The following NSG2 variants were observed in gnomAD, a reference collection of about 807,000 sequenced individuals.
NSG2 encodes neuronal vesicle trafficking-associated protein 2.
In NSG2, 4 loss-of-function variants were observed where a neutral mutation model predicts 16.9. The ratio of observed to expected loss-of-function variants is 0.24; its 90% CI spans 0.12 to 0.54. The LOEUF is 0.54. Among genes scored for constraint, NSG2 ranks in the 20% least tolerant of loss-of-function variants. The pLI is 0.95. For missense variants in NSG2, 179 were observed against 221.1 expected, an observed-to-expected ratio of 0.81 and a Z score of 1.21; for synonymous variants, 98 against 88.7, an observed-to-expected ratio of 1.11 and a Z score of -0.59.
intron 3 of NSG2, among the ~76,000 whole-genome samples, chr5:174,087,702 C>T (rs778773763): frequency 2.6e-5 from 4 of 151,748 alleles, no homozygotes; most frequent in Non-Finnish European, 4.4e-5. Flanking sequence ...GTGGGAGGAT[C>T]GCTTGTGCCT....
intron 2 of NSG2, among the ~76,000 whole-genome samples, chr5:174,063,517 C>T (rs62395634): frequency 0.05 from 7,332 of 146,570 alleles, 227 homozygotes; most frequent in Middle Eastern, 0.069. Flanking sequence ...TTCATCATAA[C>T]TTTCTATTTT....
intron 3 of NSG2, chr5:174,066,156 T>C (rs1032978657): frequency 4.2e-5 from 19 of 455,902 alleles, no homozygotes; most frequent in Non-Finnish European, 7.9e-5. Flanking sequence ...GATGCCACCC[T>C]CCTCTTGGAG....
chr5:174,096,978 C>G (rs549556768), intron 3 of NSG2, among the ~76,000 whole-genome samples: 1 of 152,300 alleles, frequency 6.6e-6, no homozygotes, highest in African/African-American at 2.4e-5. Flanking sequence ...GTCACTTCAC[C>G]TCTCAGAGCC....
intron 3 of NSG2, among the ~76,000 whole-genome samples, chr5:174,090,131 C>A (rs180829322): frequency 6.6e-6 from 1 of 152,202 alleles, no homozygotes; most frequent in East Asian, 1.9e-4. Context: ...AGACCATCCC[C>A]AGGTTCAATA....
At chr5:174,093,153 A>G (rs1427808106) in intron 3 of NSG2, among the ~76,000 whole-genome samples, 1 of 152,168 alleles carries the variant, frequency 6.6e-6, no homozygotes, top group Non-Finnish European at 1.5e-5. Flanking sequence ...AGGTCTTTCC[A>G]TCTATCTCTG....
chr5:174,108,226 ATC>A lies in NSG2; in HGVS notation c.*722_*723del, dbSNP rs1272570444. 1 of 162,906 alleles carries A rather than the reference ATC, an allele frequency of 6.1e-6. No homozygotes were observed. Among genetic ancestry groups the A allele is most frequent in the African/African-American group, 2.4e-5 (1 of 41,480 alleles). The allele number at this position is 162,906 out of a possible 1,614,324, so 10.1% of individuals were successfully genotyped here. A position where few individuals can be genotyped will look rare whatever the true frequency, so the allele number is the denominator to read the frequency against. On this transcript the variant is annotated 3_prime_UTR_variant, in exon 5 of 5. Coordinates refer to ENST00000303177, the MANE Select transcript of NSG2 (RefSeq NM_015980.5). ...CCCACCCTGCGACGGTGGGTTCTGCATCAGCAAACGCTGAGGAGTGGGCAGAT... is the reference window on the plus strand; with the variant it reads ...CCCACCCTGCGACGGTGGGTTCTGCAAGCAAACGCTGAGGAGTGGGCAGAT...
intron 3 of NSG2, among the ~76,000 whole-genome samples, chr5:174,089,545 T>A (rs1051669885): frequency 1.3e-5 from 2 of 151,968 alleles, no homozygotes; most frequent in African/African-American, 4.8e-5. Context: ...ACCCCAGGCT[T>A]CTCCGTGCAG....
At chr5:174,054,792 T>G (rs932298410) in intron 2 of NSG2, among the ~76,000 whole-genome samples, 7 of 152,200 alleles carry the variant, frequency 4.6e-5, no homozygotes, top group Non-Finnish European at 1.5e-5. Flanking sequence ...GAAGCCAGTG[T>G]CTCTCTGTAC....
intron 3 of NSG2, among the ~76,000 whole-genome samples, chr5:174,092,383 G>A (rs1447980986): frequency 6.6e-6 from 1 of 152,220 alleles, no homozygotes; most frequent in Middle Eastern, 3.2e-3. Context: ...GTGCTTTTCT[G>A]CCCCATTAAT....
chr5:174,106,349 G>T (rs561040609), intron 4 of NSG2, among the ~76,000 whole-genome samples: 1 of 152,042 alleles, frequency 6.6e-6, no homozygotes, highest in Non-Finnish European at 1.5e-5. Flanking sequence ...GGACATAAAC[G>T]TGCAAAGAAA....
chr5:174,100,520 G>T (rs552870658), intron 3 of NSG2, among the ~76,000 whole-genome samples: 2 of 152,276 alleles, frequency 1.3e-5, no homozygotes, highest in South Asian at 4.1e-4. Context: ...TAGAATCCAT[G>T]GGGGTGGTGA....
At chr5:174,066,076 A>G in intron 3 of NSG2, 1 of 375,800 alleles carries the variant, frequency 2.7e-6, no homozygotes, top group South Asian at 1.9e-5. Context: ...ATACTGAAGC[A>G]GCTGCGTATG....
intron 3 of NSG2, among the ~76,000 whole-genome samples, chr5:174,080,306 TTA>T (rs1266575985): frequency 2.7e-5 from 4 of 148,472 alleles, no homozygotes; most frequent in African/African-American, 9.8e-5. Context: ...TTTATATATG[TTA>T]TATATATATA....
rs1761011090 is a variant in NSG2 at position 174,107,857 on chromosome 5, A to G, written c.*352A>G. 2.8e-5 allele frequency: 12 copies of G among 433,402 alleles called. No homozygotes were observed. The highest frequency in any genetic ancestry group is 2.2e-4 in the South Asian group (12 of 54,302). 26.8% of individuals were successfully genotyped at this position (433,402 alleles called of 1,614,324 possible). On this transcript the variant is annotated 3_prime_UTR_variant, in exon 5 of 5. Coordinates refer to ENST00000303177, the MANE Select transcript of NSG2 (RefSeq NM_015980.5). The surrounding 1 kb of genome is among the most constrained non-coding windows in gnomAD (Gnocchi z 4.5). ...GAAACAAAGAACATGAACAAAAAGCATTAAACTGGCTCCATCAGAAGACGT... is the reference window on the plus strand; with the variant it reads ...GAAACAAAGAACATGAACAAAAAGCGTTAAACTGGCTCCATCAGAAGACGT...
intron 2 of NSG2, chr5:174,056,396 T>C (rs1390921941): frequency 6.6e-6 from 1 of 152,172 alleles, no homozygotes; most frequent in African/African-American, 2.4e-5. Flanking sequence ...CCATGATCAA[T>C]AGGAAAGAGT....
At position 174,061,909 on chromosome 5, in the gene NSG2, CTTTT is replaced by C. The variant is rs11426817; in HGVS notation, c.130-2304_130-2301del. ...GGAGCCACTGTGCCGAGCCCCCAAA[CTTTT>C]TTTTTTTTTTTTTTTTTTAGGCAGG... is the stretch of plus-strand genomic sequence containing the variant. On this transcript the variant is annotated intron_variant, in intron 2 of 4. Transcript: ENST00000303177. Among the ~76,000 whole-genome samples, 146 of 116,598 alleles carry C rather than the reference CTTTT, an allele frequency of 1.3e-3. No individual in the cohort carries two copies. The South Asian group carries it at 0.018, about 14-fold the overall frequency. The allele number at this position is 116,598 out of a possible 152,430, so 76.5% of individuals were successfully genotyped here.
intron 3 of NSG2, among the ~76,000 whole-genome samples, chr5:174,067,388 A>G (rs1202634578): frequency 6.6e-6 from 1 of 152,182 alleles, no homozygotes; most frequent in Non-Finnish European, 1.5e-5. Flanking sequence ...TGCTGGGTAG[A>G]ACAGAAATGA....
intron 3 of NSG2, among the ~76,000 whole-genome samples, chr5:174,098,779 G>A (rs1402764079): frequency 6.6e-6 from 1 of 152,198 alleles, no homozygotes; most frequent in African/African-American, 2.4e-5. Context: ...GTGAGCGGAC[G>A]ATGAGTGGCT....
At chr5:174,106,872 C>T (rs979469231) in intron 4 of NSG2, among the ~76,000 whole-genome samples, 3 of 151,902 alleles carry the variant, frequency 2.0e-5, no homozygotes, top group Admixed American at 6.6e-5. Context: ...GAATTACAGG[C>T]GTGAGCCACC....
Sources: allele counts gnomAD v4.1 joint callset (sites outside exome capture counted in the v4.1 genomes callset), GRCh38; gene constraint gnomAD v4.1.1; non-coding constraint Gnocchi (gnomAD v3.1); transcripts MANE v1.5; gene names NCBI Gene and HGNC (gene_info 2026-07-23, HGNC 2026-07-21).